The following CD200 variants were observed in gnomAD, a reference collection of about 807,000 sequenced individuals.
CD200 encodes the protein OX-2 membrane glycoprotein.
A neutral mutation model predicts 30.9 loss-of-function variants in CD200; 15 were observed. That is an observed-to-expected ratio of 0.49 (90% CI 0.32 to 0.75). The LOEUF is 0.75. CD200 is among the 30% of genes least tolerant of loss of function. CD200 has a pLI of 0.03. For missense variants in CD200, 262 were observed against 324.2 expected, an observed-to-expected ratio of 0.81 and a Z score of 1.47; for synonymous variants, 134 against 126.2, an observed-to-expected ratio of 1.06 and a Z score of -0.41.
In CD200 at chr3:112,347,459, A is replaced by G. The variant is rs2081424530; in HGVS notation, c.422-99A>G. 7 of 1,200,488 alleles carry G rather than the reference A, an allele frequency of 5.8e-6. No individual in the cohort carries two copies. In the East Asian group the frequency reaches 1.6e-4, roughly 28 times the overall value. The allele number at this position is 1,200,488 out of a possible 1,614,324, so 74.4% of individuals were successfully genotyped here. ...CCATGCTATCTTTCTAGCCTCCATT[A>G]TCTTTCTATAAGCATATTTCCTTCA... On this transcript the variant is annotated intron_variant, in intron 3 of 5. Coordinates refer to ENST00000315711, the MANE Select transcript of CD200 (RefSeq NM_005944.7).
intron 5 of CD200, among the ~76,000 whole-genome samples, chr3:112,351,805 T>A (rs1382074349): frequency 6.6e-6 from 1 of 152,200 alleles, no homozygotes; most frequent in Non-Finnish European, 1.5e-5. Context: ...AGTGCCAACA[T>A]CTGCTTCTGG....
intron 5 of CD200, among the ~76,000 whole-genome samples, chr3:112,352,540 TGAGAGAGA>T (rs3083141): frequency 0.24 from 36,620 of 149,792 alleles, 4,717 homozygotes; most frequent in Non-Finnish European, 0.29. Flanking sequence ...GAGGTGGAAC[TGAGAGAGA>T]GAGAGAGAGA....
intron 5 of CD200, among the ~76,000 whole-genome samples, chr3:112,359,978 G>A (rs2081705738): frequency 6.6e-6 from 1 of 152,170 alleles, no homozygotes; most frequent in Non-Finnish European, 1.5e-5. Flanking sequence ...AGGAGACAAG[G>A]GAAGAGTGGT....
At chr3:112,342,660 T>A (rs1397768199) in intron 2 of CD200, among the ~76,000 whole-genome samples, 2 of 151,948 alleles carry the variant, frequency 1.3e-5, no homozygotes, top group Admixed American at 1.3e-4. Flanking sequence ...TGACCTCAAG[T>A]CATCCACTCG....
rs770775995 is a variant in CD200 at position 112,347,712 on chromosome 3, C to T, written c.576C>T (p.Thr192=). Residue 192 remains threonine, a synonymous_variant, in exon 4 of 6, where the codon ACC becomes ACT. Transcript: ENST00000315711. ...STVTLSHPNG[T]TSVTSILHIK... ...TGACTCTGTCTCACCCAAATGGGAC[C>T]ACGTCTGTTACCAGCATCCTCCATA... 11 of 1,613,992 alleles carry T rather than the reference C, an allele frequency of 6.8e-6. No homozygotes were observed. The highest frequency in any genetic ancestry group is 9.3e-6 in the Non-Finnish European group (11 of 1,179,938).
At chr3:112,333,729 T>C in intron 1 of CD200, 4 of 985,430 alleles carry the variant, frequency 4.1e-6, no homozygotes, top group Non-Finnish European at 4.8e-6. Context: ...TCCTCTTTGT[T>C]ATGCAGCCCC....
At chr3:112,358,968 T>C (rs1472688008) in intron 5 of CD200, among the ~76,000 whole-genome samples, 1 of 152,204 alleles carries the variant, frequency 6.6e-6, no homozygotes, top group East Asian at 1.9e-4. Flanking sequence ...AGTATATTCC[T>C]GAACCACACA....
Position 112,342,991 on chromosome 3 carries a change from C to CTGTG in CD200, c.95-1962_95-1959dup, listed in dbSNP as rs145575317. 9.9e-4 allele frequency among the ~76,000 whole-genome samples: 150 copies of CTGTG among 151,720 alleles called. 2 individuals are homozygous for CTGTG. The East Asian group carries it at 0.016, about 17-fold the overall frequency. The stretch of plus-strand genomic sequence containing the variant: ...CTTTCTTTGAGTAAAGTGTGTGTGT[C>CTGTG]TGTGTGTGTGTGCGTCTTATGATAT... On this transcript the variant is annotated intron_variant, in intron 2 of 5. Coordinates refer to ENST00000315711, the MANE Select transcript of CD200 (RefSeq NM_005944.7).
At chr3:112,361,311 A>C (rs187239545) in intron 5 of CD200, among the ~76,000 whole-genome samples, 2 of 152,020 alleles carry the variant, frequency 1.3e-5, no homozygotes, top group Non-Finnish European at 2.9e-5. Flanking sequence ...CTCCTAAAAC[A>C]CTGGGCTTAC....
intron 2 of CD200, 122 bp from the exon 3 acceptor site, chr3:112,344,840 C>A: frequency 2.7e-6 from 2 of 747,958 alleles, no homozygotes; most frequent in Non-Finnish European, 4.3e-6. Flanking sequence ...TAAATGTTTT[C>A]TTTTTTGCAT....
chr3:112,333,108 C>A, upstream of CD200: 6 of 1,502,072 alleles, frequency 4.0e-6, no homozygotes, highest in Admixed American at 2.0e-5. Context: ...GAGGAAGAGG[C>A]GGGAGGTGCG....
At chr3:112,347,945 T>TG in intron 4 of CD200, 115 bp downstream of exon 4, 1 of 920,444 alleles carries the variant, frequency 1.1e-6, no homozygotes, top group Non-Finnish European at 1.6e-6. Context: ...GGAGAAAGAA[T>TG]GGGGCAAATA....
At chr3:112,332,862 C>A, upstream of CD200, 1 of 299,522 alleles carries the variant, frequency 3.3e-6, no homozygotes, top group Non-Finnish European at 6.3e-6. Context: ...AACTGATCTC[C>A]ACAACCTCCC....
At chr3:112,348,918 T>G (rs994590234) in intron 4 of CD200, among the ~76,000 whole-genome samples, 1 of 152,218 alleles carries the variant, frequency 6.6e-6, no homozygotes, top group African/African-American at 2.4e-5. Flanking sequence ...TTATATCACT[T>G]ACAGTGTTTA....
At chr3:112,352,038 A>T (rs1029905055) in intron 5 of CD200, among the ~76,000 whole-genome samples, 1 of 152,144 alleles carries the variant, frequency 6.6e-6, no homozygotes, top group African/African-American at 2.4e-5. Context: ...CACCTCTAAC[A>T]CCGGGGATCA....
At chr3:112,340,368 A>G (rs2081211246) in intron 1 of CD200, among the ~76,000 whole-genome samples, 1 of 152,248 alleles carries the variant, frequency 6.6e-6, no homozygotes, top group South Asian at 2.1e-4. Flanking sequence ...AAGGCAGCGA[A>G]GGAAAAAATT....
At position 112,361,603 on chromosome 3, in the gene CD200, CA is replaced by C. The variant is rs1345205855; in HGVS notation, c.*55del. ...TTCCCTGGTCTACTTGAATTTGACACAAGAGAAAAGCAGGAGGAAAAGGGGC... is the reference window on the plus strand; with the variant it reads ...TTCCCTGGTCTACTTGAATTTGACACAGAGAAAAGCAGGAGGAAAAGGGGC... On this transcript the variant is annotated 3_prime_UTR_variant, in exon 6 of 6. Transcript: ENST00000315711. The C allele has an allele frequency of 6.5e-7, 1 of 1,534,758 alleles. No individual in the cohort carries two copies. Among genetic ancestry groups the C allele is most frequent in the Non-Finnish European group, 9.0e-7 (1 of 1,107,888 alleles).
intron 2 of CD200, among the ~76,000 whole-genome samples, chr3:112,342,670 G>A (rs1019224845): frequency 3.9e-5 from 6 of 151,982 alleles, no homozygotes; most frequent in East Asian, 3.9e-4. Flanking sequence ...TCATCCACTC[G>A]CCTCGGCCTC....
Position 112,354,793 on chromosome 3 carries a change from C to G in CD200, c.802+4974C>G, listed in dbSNP as rs572200799. 3.9e-5 allele frequency among the ~76,000 whole-genome samples: 6 copies of G among 152,326 alleles called. No individual in the cohort carries two copies. In the East Asian group the frequency reaches 1.2e-3, roughly 29 times the overall value. ...ACAAGGTGTCTGCAGGGAGACATTC[C>G]TTTCTGGAGGCTCTAGGGGAGAATC... On this transcript the variant is annotated intron_variant, in intron 5 of 5. Transcript: ENST00000315711.
Sources: gnomAD v4.1 joint callset for allele counts (sites outside exome capture counted in the v4.1 genomes callset) on GRCh38, gnomAD v4.1.1 for gene constraint, MANE v1.5 for transcripts, NCBI Gene and HGNC (gene_info 2026-07-23, HGNC 2026-07-21) for gene names.